TNPO1: variants seen among roughly 807,000 people sequenced by gnomAD.
The protein encoded by TNPO1 is transportin 1.
Under a neutral mutation model 119.5 loss-of-function variants are expected in TNPO1, and 8 were observed. That is an observed-to-expected ratio of 0.07 (90% CI 0.04 to 0.12). TNPO1 has a LOEUF of 0.12. Among genes scored for constraint, TNPO1 ranks in the 10% least tolerant of loss-of-function variants. The pLI is 1.00. For missense variants in TNPO1, 576 were observed against 1,089.8 expected (o/e 0.53, Z 6.64); for synonymous variants, 362 against 363.0 (o/e 1.00, Z 0.03).
intron 9 of TNPO1, among the ~76,000 whole-genome samples, chr5:72,877,717 A>C (rs1281693021): frequency 6.6e-6 from 1 of 152,166 alleles, no homozygotes; most frequent in East Asian, 1.9e-4. Flanking sequence ...GTGATGCAAC[A>C]GAATTTAGTT....
intron 1 of TNPO1, among the ~76,000 whole-genome samples, chr5:72,842,160 T>C (rs1744943823): frequency 6.6e-6 from 1 of 152,252 alleles, no homozygotes; most frequent in African/African-American, 2.4e-5. Context: ...ACTTTTATGA[T>C]GGTGAAGTGT....
intron 4 of TNPO1, among the ~76,000 whole-genome samples, chr5:72,858,788 G>T (rs1473648488): frequency 6.6e-6 from 1 of 151,752 alleles, no homozygotes; most frequent in East Asian, 1.9e-4. Flanking sequence ...AGTGAGCCAG[G>T]ATCGCGCCAT....
intron 1 of TNPO1, among the ~76,000 whole-genome samples, chr5:72,836,063 C>T (rs1286558554): frequency 1.3e-5 from 2 of 152,254 alleles, no homozygotes; most frequent in Non-Finnish European, 2.9e-5. Context: ...GCCTATGCTG[C>T]AGCTCTCATG....
intron 20 of TNPO1, among the ~76,000 whole-genome samples, chr5:72,898,721 C>T (rs1028539751): frequency 6.6e-6 from 1 of 152,068 alleles, no homozygotes; most frequent in African/African-American, 2.4e-5. Flanking sequence ...TGCTTTATCG[C>T]ATGTTTCATT....
chr5:72,862,992 T>TTGAGTGTG (rs1554051197), intron 5 of TNPO1, among the ~76,000 whole-genome samples: 1 of 144,772 alleles, frequency 6.9e-6, no homozygotes, highest in Non-Finnish European at 1.5e-5. Context: ...CTGTGGGTTT[T>TTGAGTGTG]TGTGTGTGTG....
intron 20 of TNPO1, among the ~76,000 whole-genome samples, chr5:72,898,935 A>G (rs1473993710): frequency 2.0e-5 from 3 of 152,154 alleles, no homozygotes; most frequent in African/African-American, 4.8e-5. Flanking sequence ...AGAGAACACC[A>G]TTAAAGCACT....
intron 6 of TNPO1, among the ~76,000 whole-genome samples, chr5:72,869,125 C>T (rs1333020086): frequency 2.6e-5 from 4 of 152,046 alleles, no homozygotes; most frequent in Non-Finnish European, 5.9e-5. Flanking sequence ...TGTGTTCTGG[C>T]TTATCTCAAC....
chr5:72,847,927 A>T (rs1331825784), intron 1 of TNPO1, among the ~76,000 whole-genome samples: 1 of 152,218 alleles, frequency 6.6e-6, no homozygotes, highest in Non-Finnish European at 1.5e-5. Context: ...TGTGTATGTA[A>T]AATAATATAC....
chr5:72,830,750 A>G (rs1401089622), intron 1 of TNPO1, among the ~76,000 whole-genome samples: 2 of 152,202 alleles, frequency 1.3e-5, no homozygotes, highest in Admixed American at 6.5e-5. Context: ...ATGTGACTCA[A>G]GACAAAGATT....
intron 8 of TNPO1, among the ~76,000 whole-genome samples, chr5:72,876,167 A>G (rs1747754405): frequency 6.6e-6 from 1 of 152,218 alleles, no homozygotes; most frequent in Non-Finnish European, 1.5e-5. Flanking sequence ...AAGAAATTTT[A>G]TCAGTTGCTT....
chr5:72,877,213 A>G lies in TNPO1; in HGVS notation c.802-15A>G. 7.1e-7 allele frequency: 1 copy of G among 1,407,814 alleles called. No homozygotes were observed. The highest frequency in any genetic ancestry group is 2.3e-5 in the East Asian group (1 of 43,726). 87.2% of individuals were successfully genotyped at this position (1,407,814 alleles called of 1,614,324 possible). Reference sequence around the variant, plus strand: ...ATTTTTAAACTGACTAATATTAAGGATATTGTGTTTCCAGTACATGCTACA... The same window carrying G: ...ATTTTTAAACTGACTAATATTAAGGGTATTGTGTTTCCAGTACATGCTACA... On this transcript the variant is annotated splice_polypyrimidine_tract_variant and intron_variant, in intron 8 of 24. Coordinates refer to ENST00000337273, the MANE Select transcript of TNPO1 (RefSeq NM_002270.4).
rs1231017000 is a variant in TNPO1, at chr5:72,910,891, T to C, written c.*2218T>C. On this transcript the variant is annotated 3_prime_UTR_variant, in exon 25 of 25. Coordinates refer to ENST00000337273, the MANE Select transcript of TNPO1 (RefSeq NM_002270.4). ...AATTTCAGTCTGTAGAGCCTGAAAT[T>C]AAATTATTTTATAGTGCCTGATATT... 1 of 152,132 alleles carries C rather than the reference T, an allele frequency of 6.6e-6. No homozygotes were observed. Among genetic ancestry groups the C allele is most frequent in the African/African-American group, 2.4e-5 (1 of 41,446 alleles). The allele number at this position is 152,132 out of a possible 1,614,324, so 9.4% of individuals were successfully genotyped here.
chr5:72,857,508 A>G (rs899874207), intron 4 of TNPO1, among the ~76,000 whole-genome samples: 3 of 152,184 alleles, frequency 2.0e-5, no homozygotes, highest in Non-Finnish European at 2.9e-5. Flanking sequence ...AGATTACTCT[A>G]ATGTACTCTT....
chr5:72,873,368 C>T (rs1033797184), intron 7 of TNPO1, among the ~76,000 whole-genome samples: 1 of 151,992 alleles, frequency 6.6e-6, no homozygotes, highest in South Asian at 2.1e-4. Flanking sequence ...TTTTAAAAGT[C>T]CCTTAGAAGT....
rs1003288475 is a variant in TNPO1, at chr5:72,840,918, G to A, written c.16-7467G>A. 2.6e-5 allele frequency among the ~76,000 whole-genome samples: 4 copies of A among 152,220 alleles called. No homozygotes were observed. The East Asian group carries it at 7.7e-4, about 29-fold the overall frequency. ...TTAACGTCTTAGCCTATTTTCAAGT[G>A]GTGAACTAGATGATTTACCCATCAG... On this transcript the variant is annotated intron_variant, in intron 1 of 24. Transcript: ENST00000337273.
intron 1 of TNPO1, among the ~76,000 whole-genome samples, chr5:72,833,217 T>C (rs903955857): frequency 6.6e-6 from 1 of 152,188 alleles, no homozygotes; most frequent in Non-Finnish European, 1.5e-5. Flanking sequence ...AATTCAAATA[T>C]ATACCACATG....
Position 72,848,222 on chromosome 5 carries a change from C to T in TNPO1, c.16-163C>T, listed in dbSNP as rs147793262. 3,097 of 1,257,208 alleles carry T rather than the reference C, an allele frequency of 2.5e-3. 7 individuals carry two copies. The highest frequency in any genetic ancestry group is 0.011 in the Middle Eastern group (54 of 4,770). 77.9% of individuals were successfully genotyped at this position (1,257,208 alleles called of 1,614,324 possible). The stretch of plus-strand genomic sequence containing the variant: ...GAGCAGTTCCGCCGGGTTTCACTGT[C>T]CGTGACTTCCTTCGGGGCACCTCAG... On this transcript the variant is annotated intron_variant, in intron 1 of 24. Transcript: ENST00000337273.
At chr5:72,861,707 G>A (rs1746462437) in intron 4 of TNPO1, 101 bp from the exon 5 acceptor site, 6 of 841,056 alleles carry the variant, frequency 7.1e-6, no homozygotes, top group South Asian at 6.2e-5. Flanking sequence ...CTGGCCAAAT[G>A]TTATTATTTA....
intron 9 of TNPO1, among the ~76,000 whole-genome samples, chr5:72,881,793 T>C (rs1185457940): frequency 6.6e-6 from 1 of 152,170 alleles, no homozygotes; most frequent in Admixed American, 6.5e-5. Context: ...CTCCTTAAGG[T>C]CTGTATAGTA....
Sources: gnomAD v4.1 joint callset for allele counts (sites outside exome capture counted in the v4.1 genomes callset) on GRCh38, gnomAD v4.1.1 for gene constraint, MANE v1.5 for transcripts, NCBI Gene and HGNC (gene_info 2026-07-23, HGNC 2026-07-21) for gene names.